RAMP1: variants seen among roughly 807,000 people sequenced by gnomAD.
RAMP1 encodes the protein receptor activity-modifying protein 1.
RAMP1 carries 7 observed loss-of-function variants against 8.2 expected under a neutral mutation model. The ratio of observed to expected loss-of-function variants is 0.85; its 90% CI spans 0.49 to 1.60. The LOEUF is 1.60. Ranked by LOEUF, RAMP1 falls within the 40% of genes most tolerant of loss-of-function variation. The probability of loss-of-function intolerance (pLI) is 0.00; values close to 1 mark genes in which losing one functional copy is unlikely to be tolerated. For missense variants in RAMP1, 192 were observed against 202.4 expected (o/e 0.95, Z 0.31); for synonymous variants, 92 against 84.7 (o/e 1.09, Z -0.47).
intron 1 of RAMP1, among the ~76,000 whole-genome samples, chr2:237,863,189 T>C (rs1382216160): frequency 2.0e-5 from 3 of 148,214 alleles, no homozygotes; most frequent in Non-Finnish European, 4.5e-5. Flanking sequence ...CAGTGGGAGC[T>C]GGGAAGGGGA....
chr2:237,907,204 T>G (rs1197717417), intron 2 of RAMP1, among the ~76,000 whole-genome samples: 1 of 152,212 alleles, frequency 6.6e-6, no homozygotes, highest in African/African-American at 2.4e-5. Context: ...ATGTCTTTTT[T>G]CCTCTGACCT....
intron 2 of RAMP1, among the ~76,000 whole-genome samples, chr2:237,895,934 G>A (rs1194646557): frequency 6.6e-6 from 1 of 152,190 alleles, no homozygotes; most frequent in Non-Finnish European, 1.5e-5. Context: ...ACAGGCCTGA[G>A]TGTGGTCTCA....
chr2:237,897,918 C>T (rs1413272908), intron 2 of RAMP1, among the ~76,000 whole-genome samples: 1 of 152,252 alleles, frequency 6.6e-6, no homozygotes, highest in African/African-American at 2.4e-5. Context: ...CCTGCCTCAG[C>T]CTCCTGAGTA....
At chr2:237,888,823 G>A (rs778321666) in intron 2 of RAMP1, among the ~76,000 whole-genome samples, 1 of 152,110 alleles carries the variant, frequency 6.6e-6, no homozygotes, top group Non-Finnish European at 1.5e-5. Flanking sequence ...CCAGGCTGGA[G>A]TGCAGCGGCA....
At chr2:237,859,793 AGGAGGGGAGCGGGTGGGAGC>A in intron 1 of RAMP1, 66 bp downstream of exon 1, 1 of 829,670 alleles carries the variant, frequency 1.2e-6, no homozygotes. Context: ...TCTAGGGGAG[AGGAGGGGAGCGGGTGGGAGC>A]GGGTGGGAGC....
rs1386588800 is a variant in RAMP1, at chr2:237,859,652, C to A, written c.-24C>A. 6.9e-7 allele frequency: 1 copy of A among 1,450,894 alleles called. No individual in the cohort carries two copies. Among genetic ancestry groups the A allele is most frequent in the Admixed American group, 2.5e-5 (1 of 39,754 alleles). 89.9% of individuals were successfully genotyped at this position (1,450,894 alleles called of 1,614,324 possible). A position where few individuals can be genotyped will look rare whatever the true frequency, so the allele number is the denominator to read the frequency against. On this transcript the variant is annotated 5_prime_UTR_variant, in exon 1 of 3. Transcript: ENST00000254661. Reference sequence around the variant, plus strand: ...CTCAGCGGGGCGCGTGGCGAGCGGACTCGACTCGGCACCGCTGTGCACCAT... The same window carrying A: ...CTCAGCGGGGCGCGTGGCGAGCGGAATCGACTCGGCACCGCTGTGCACCAT...
intron 2 of RAMP1, among the ~76,000 whole-genome samples, chr2:237,901,017 T>G (rs2062591995): frequency 6.6e-6 from 1 of 152,266 alleles, no homozygotes; most frequent in South Asian, 2.1e-4. Flanking sequence ...GAGGTGTGTT[T>G]AAGTCTCCCA....
chr2:237,894,600 G>A (rs1559949144), intron 2 of RAMP1, among the ~76,000 whole-genome samples: 1 of 152,204 alleles, frequency 6.6e-6, no homozygotes, highest in Non-Finnish European at 1.5e-5. Context: ...GCTAGGGGGT[G>A]AGACCCCCCT....
chr2:237,894,926 C>A (rs551656930), intron 2 of RAMP1, among the ~76,000 whole-genome samples: 1 of 152,284 alleles, frequency 6.6e-6, no homozygotes, highest in Non-Finnish European at 1.5e-5. Context: ...GGTTGTGGTT[C>A]TCCTTCGACA....
At chr2:237,911,450 G>A in intron 2 of RAMP1, 78 bp from the exon 3 acceptor site, 3 of 1,561,288 alleles carry the variant, frequency 1.9e-6, no homozygotes, top group Non-Finnish European at 2.6e-6. Context: ...AGGGGCCACG[G>A]TGCAGCAGCC....
rs1023779090 is a variant in RAMP1, at chr2:237,911,980, C to A, written c.*197C>A. ...GGAAGCCCCCCTGGCTGGAGGCCAC[C>A]GCCACCCTAGGAAGGGGGCAGGGAC... On this transcript the variant is annotated 3_prime_UTR_variant, in exon 3 of 3. Coordinates refer to ENST00000254661, the MANE Select transcript of RAMP1 (RefSeq NM_005855.4). The A allele has an allele frequency of 2.7e-5, 24 of 905,358 alleles. No homozygotes were observed. The highest frequency in any genetic ancestry group is 3.9e-5 in the Non-Finnish European group (24 of 618,060). The allele number at this position is 905,358 out of a possible 1,614,324, so 56.1% of individuals were successfully genotyped here.
At chr2:237,871,280 G>T (rs1000346965) in intron 1 of RAMP1, among the ~76,000 whole-genome samples, 1 of 152,230 alleles carries the variant, frequency 6.6e-6, no homozygotes, top group Non-Finnish European at 1.5e-5. Context: ...CAGAGCAGGG[G>T]CAGGGAGAGG....
At chr2:237,885,302 G>T (rs2062416886) in intron 2 of RAMP1, among the ~76,000 whole-genome samples, 1 of 152,196 alleles carries the variant, frequency 6.6e-6, no homozygotes, top group African/African-American at 2.4e-5. Context: ...CGAGGTCTCG[G>T]GATGGGCTGT....
intron 2 of RAMP1, among the ~76,000 whole-genome samples, chr2:237,902,878 G>C (rs1325609011): frequency 1.3e-5 from 2 of 152,212 alleles, no homozygotes; most frequent in African/African-American, 2.4e-5. Context: ...CAAAAAAGTT[G>C]AGAGAAAAGT....
chr2:237,896,226 C>G (rs897456615), intron 2 of RAMP1, among the ~76,000 whole-genome samples: 5 of 152,228 alleles, frequency 3.3e-5, no homozygotes, highest in African/African-American at 1.2e-4. Context: ...GCTGCCCAGG[C>G]CTGTTCTCAG....
chr2:237,887,867 G>T (rs1347697959), intron 2 of RAMP1, among the ~76,000 whole-genome samples: 1 of 152,208 alleles, frequency 6.6e-6, no homozygotes, highest in African/African-American at 2.4e-5. Context: ...GGAGGTTGAG[G>T]TTGTGCCACT....
At chr2:237,870,975 T>C (rs1473141451) in intron 1 of RAMP1, among the ~76,000 whole-genome samples, 1 of 152,122 alleles carries the variant, frequency 6.6e-6, no homozygotes, top group Non-Finnish European at 1.5e-5. Flanking sequence ...ATGCAGTGCT[T>C]TGCTGTCTTT....
rs150636869 is a variant in RAMP1, at chr2:237,884,888, G to T, written c.191+7526G>T. On this transcript the variant is annotated intron_variant, in intron 2 of 2. Coordinates refer to ENST00000254661, the MANE Select transcript of RAMP1 (RefSeq NM_005855.4). ...ATCATGGGCCCTCCCCCAGCCCAAG[G>T]AGCTGCTCAGAGGACGGGGCTCCAG... Among the ~76,000 whole-genome samples the T allele has an allele frequency of 2.3e-3, 348 of 152,350 alleles. 3 individuals are homozygous for T. Among genetic ancestry groups the T allele is most frequent in the African/African-American group, 8.1e-3 (338 of 41,586 alleles).
At chr2:237,901,686 G>A (rs1449984567) in intron 2 of RAMP1, among the ~76,000 whole-genome samples, 1 of 152,188 alleles carries the variant, frequency 6.6e-6, no homozygotes, top group Non-Finnish European at 1.5e-5. Context: ...AAGCAGGGGT[G>A]GGAAGGTGTG....
Sources: gnomAD v4.1 joint callset for allele counts (sites outside exome capture counted in the v4.1 genomes callset) on GRCh38, gnomAD v4.1.1 for gene constraint, MANE v1.5 for transcripts, NCBI Gene and HGNC (gene_info 2026-07-23, HGNC 2026-07-21) for gene names.